CLEC12A: variants seen among roughly 807,000 people sequenced by gnomAD.
CLEC12A encodes C-type lectin protein CLL-1.
In CLEC12A, 22 loss-of-function variants were observed where a neutral mutation model predicts 26.5. That is an observed-to-expected ratio of 0.83 (90% CI 0.59 to 1.19). The LOEUF (loss-of-function observed/expected upper bound fraction) is 1.19, where lower values mean the gene tolerates loss of function less well. Ranked by LOEUF, CLEC12A falls within the 50% of genes most tolerant of loss-of-function variation. The pLI is 0.00. For missense variants in CLEC12A, 353 were observed against 315.6 expected (o/e 1.12, Z -0.90); for synonymous variants, 119 against 101.9 (o/e 1.17, Z -1.01).
At chr12:9,997,027 G>T (rs375934190), downstream of CLEC12A, 2 of 1,612,382 alleles carry the variant, frequency 1.2e-6, no homozygotes, top group African/African-American at 2.7e-5. Context: ...CAGGAATGGT[G>T]TATTTTTTCT....
chr12:9,978,394 A>G (rs1035911403), intron 1 of CLEC12A, among the ~76,000 whole-genome samples: 3 of 134,208 alleles, frequency 2.2e-5, no homozygotes, highest in African/African-American at 8.5e-5. Flanking sequence ...AAATTGCAAT[A>G]AAAATGGTGT....
intron 1 of CLEC12A, among the ~76,000 whole-genome samples, chr12:9,975,920 C>G (rs763966036): frequency 1.6e-4 from 25 of 152,188 alleles, no homozygotes; most frequent in Non-Finnish European, 3.4e-4. Context: ...AGGTACAGCT[C>G]AGGTCATGGC....
chr12:9,975,596 A>G (rs1864303490), intron 1 of CLEC12A, among the ~76,000 whole-genome samples: 1 of 152,234 alleles, frequency 6.6e-6, no homozygotes, highest in South Asian at 2.1e-4. Context: ...TAAGGGAAGC[A>G]GAGCATAAAA....
At chr12:9,977,790 G>C (rs1274903920) in intron 1 of CLEC12A, among the ~76,000 whole-genome samples, 1 of 151,938 alleles carries the variant, frequency 6.6e-6, no homozygotes, top group Non-Finnish European at 1.5e-5. Flanking sequence ...TGTACATCTT[G>C]CTCACTTTGA....
chr12:9,968,276 G>A (rs547457006), upstream of CLEC12A, among the ~76,000 whole-genome samples: 231 of 152,272 alleles, frequency 1.5e-3, no homozygotes, highest in Middle Eastern at 6.8e-3. Context: ...AATTTCACTC[G>A]CATCCGTGTG....
downstream of CLEC12A, among the ~76,000 whole-genome samples, chr12:9,988,489 A>G (rs1470467219): frequency 6.6e-6 from 1 of 152,250 alleles, no homozygotes; most frequent in Non-Finnish European, 1.5e-5. Context: ...AATATCCAGA[A>G]TCTACGAAGA....
intron 1 of CLEC12A, among the ~76,000 whole-genome samples, chr12:9,960,391 G>A (rs1415560971): frequency 6.6e-6 from 1 of 152,170 alleles, no homozygotes; most frequent in South Asian, 2.1e-4. Flanking sequence ...TTCCCCAAGG[G>A]ATCCACTCCA....
chr12:10,004,662 G>T, the CLEC12A span, among the ~76,000 whole-genome samples: 159 of 152,002 alleles, frequency 1.0e-3, no homozygotes, highest in Middle Eastern at 0.01. Flanking sequence ...AGGCCAAAAG[G>T]CAACTTTTTG....
chr12:9,988,968 G>A (rs1428319731), downstream of CLEC12A, among the ~76,000 whole-genome samples: 5 of 152,254 alleles, frequency 3.3e-5, no homozygotes, highest in East Asian at 9.6e-4. Flanking sequence ...CAACCCGAAT[G>A]TCCAACAGTG....
downstream of CLEC12A, chr12:9,999,063 T>C (rs372487801): frequency 1.5e-5 from 24 of 1,608,342 alleles, no homozygotes; most frequent in African/African-American, 3.1e-4. Flanking sequence ...TTTCCGAGTT[T>C]TAATATTTAA....
At chr12:10,000,642 T>G (rs1465536088), downstream of CLEC12A, among the ~76,000 whole-genome samples, 1 of 152,230 alleles carries the variant, frequency 6.6e-6, no homozygotes, top group Non-Finnish European at 1.5e-5. Context: ...ATAAGCTGGG[T>G]AAATTCAGTC....
intron 1 of CLEC12A, among the ~76,000 whole-genome samples, chr12:9,965,345 G>A (rs1441326617): frequency 6.6e-6 from 1 of 152,158 alleles, no homozygotes; most frequent in African/African-American, 2.4e-5. Flanking sequence ...AGCAGGGAGA[G>A]CACATGTGTT....
downstream of CLEC12A, chr12:9,999,117 CA>C: frequency 6.3e-7 from 1 of 1,575,364 alleles, no homozygotes; most frequent in Non-Finnish European, 8.7e-7. Context: ...CCGAGTACTG[CA>C]ACTGAGCTCA....
chr12:9,965,258 C>T (rs1235038821), intron 1 of CLEC12A, among the ~76,000 whole-genome samples: 4 of 152,084 alleles, frequency 2.6e-5, no homozygotes, highest in Non-Finnish European at 5.9e-5. Flanking sequence ...TCTGACTGCC[C>T]TAACCATGCC....
downstream of CLEC12A, among the ~76,000 whole-genome samples, chr12:9,986,343 T>TG (rs1201768936): frequency 3.1e-3 from 69 of 22,036 alleles, no homozygotes; most frequent in Non-Finnish European, 5.3e-3. Context: ...CAGTCTCCAC[T>TG]GAAAAAAAAA....
At chr12:9,971,209 C>A (rs1191153358), upstream of CLEC12A, among the ~76,000 whole-genome samples, 3 of 152,212 alleles carry the variant, frequency 2.0e-5, no homozygotes, top group Admixed American at 2.0e-4. Context: ...ATAAATCCTA[C>A]ACTATGTCTG....
chr12:9,998,054 A>G (rs990033948), downstream of CLEC12A, among the ~76,000 whole-genome samples: 1 of 152,232 alleles, frequency 6.6e-6, no homozygotes, highest in Non-Finnish European at 1.5e-5. Context: ...GGCCAGTAGT[A>G]CATTCTTAAA....
chr12:9,952,795 G>A (rs1210489712), intron 1 of CLEC12A: 2 of 89,714 alleles, frequency 2.2e-5, no homozygotes, highest in Non-Finnish European at 2.2e-5. Context: ...GCCGCCCATC[G>A]TCTGAGATGT....
the CLEC12A span, among the ~76,000 whole-genome samples, chr12:10,002,968 G>T: frequency 3.3e-5 from 5 of 152,064 alleles, no homozygotes; most frequent in African/African-American, 1.2e-4. Context: ...CAATATACAG[G>T]GATGTCCTGT....
Sources: gnomAD v4.1 joint callset for allele counts (sites outside exome capture counted in the v4.1 genomes callset) on GRCh38, gnomAD v4.1.1 for gene constraint, MANE v1.5 for transcripts, NCBI Gene and HGNC (gene_info 2026-07-23, HGNC 2026-07-21) for gene names.